Variants in NLRC4 observed in about 807,000 individuals in gnomAD.
The protein encoded by NLRC4 is NLR family CARD domain-containing protein 4.
A neutral mutation model predicts 79.9 loss-of-function variants in NLRC4; 63 were observed. That is an observed-to-expected ratio of 0.79 (90% CI 0.64 to 0.97). NLRC4 has a LOEUF of 0.97. NLRC4 is among the 50% of genes least tolerant of loss of function. NLRC4 has a pLI of 0.00. For synonymous variants in NLRC4, 461 were observed against 456.5 expected, an observed-to-expected ratio of 1.01 and a Z score of -0.12; for missense variants, 1,074 against 1,215.2, an observed-to-expected ratio of 0.88 and a Z score of 1.73.
rs781730855 is a variant in NLRC4, at chr2:32,252,579, A to G, written c.102T>C (p.Asn34=). The G allele has an allele frequency of 1.9e-6, 3 of 1,614,218 alleles. No homozygotes were observed. The highest frequency in any genetic ancestry group is 1.1e-5 in the South Asian group (1 of 91,086). The change falls in exon 3 of 9, where the codon AAT becomes AAC. Residue 34 remains asparagine (N), a synonymous_variant. Transcript: ENST00000402280. The part of the protein sequence containing the change: ...TDDLFVWNVL[N]REEVNIICCE... ...AGCAAATGATGTTTACTTCTTCGCGATTCAGAACATTCCATACAAATAGGT... is the reference window on the plus strand; with the variant it reads ...AGCAAATGATGTTTACTTCTTCGCGGTTCAGAACATTCCATACAAATAGGT...
At chr2:32,248,779 A>AT (rs1204603433) in intron 4 of NLRC4, among the ~76,000 whole-genome samples, 1 of 152,300 alleles carries the variant, frequency 6.6e-6, no homozygotes, top group East Asian at 1.9e-4. Context: ...AAAAAAAAAA[A>AT]ATTTAAAAAG....
intron 2 of NLRC4, among the ~76,000 whole-genome samples, chr2:32,253,574 C>T (rs898628069): frequency 1.3e-5 from 2 of 152,146 alleles, no homozygotes; most frequent in East Asian, 1.9e-4. Flanking sequence ...GTTGTAAGAC[C>T]GTTGGCTTTA....
intron 4 of NLRC4, among the ~76,000 whole-genome samples, chr2:32,242,926 T>A (rs1011336870): frequency 8.6e-5 from 13 of 151,996 alleles, no homozygotes; most frequent in African/African-American, 3.1e-4. Context: ...CAGGTGTGAG[T>A]AGTCCTGGCT....
At position 32,250,265 on chromosome 2, in the gene NLRC4, A is replaced by G. The variant is rs1348090868; in HGVS notation, c.1599T>C (p.Ser533=). 1.9e-6 allele frequency: 3 copies of G among 1,614,076 alleles called. No individual in the cohort carries two copies. In the East Asian group the frequency reaches 6.7e-5, roughly 36 times the overall value. Residue 533 remains serine (S), a synonymous_variant, in exon 4 of 9, where the codon TCT becomes TCC. Coordinates refer to ENST00000402280, the MANE Select transcript of NLRC4 (RefSeq NM_001199138.2). The surrounding 1 kb of genome is among the most constrained non-coding windows in gnomAD (Gnocchi z 4.9). The part of the protein sequence containing the change: ...IAKRPLWRQE[S]LQSVKNTTEQ... Reference sequence around the variant, plus strand: ...CAGTGGTGTTTTTCACACTTTGCAAAGATTCCTGTCTCCAGAGAGGCCTCT... The same window carrying G: ...CAGTGGTGTTTTTCACACTTTGCAAGGATTCCTGTCTCCAGAGAGGCCTCT...
chr2:32,250,129 A>C lies in NLRC4; in HGVS notation c.1735T>G (p.Phe579Val), dbSNP rs1370422015. Residue 579 changes from phenylalanine (F) to valine (V), a missense_variant, in exon 4 of 9, where the codon TTT becomes GTT. Coordinates refer to ENST00000402280, the MANE Select transcript of NLRC4 (RefSeq NM_001199138.2). The surrounding 1 kb of genome is among the most constrained non-coding windows in gnomAD (Gnocchi z 4.9). ...TTGATATATAAGCTTTTACCTTGAAAGAAAGCTTCAAATTCTTGGCTCAGG... is the reference window on the plus strand; with the variant it reads ...TTGATATATAAGCTTTTACCTTGAACGAAAGCTTCAAATTCTTGGCTCAGG... ...SALSQEFEAF[F>V]QGKSLYINSG... is the part of the protein sequence containing the mutation. The C allele has an allele frequency of 1.2e-6, 2 of 1,614,184 alleles. No homozygotes were observed. The highest frequency in any genetic ancestry group is 1.7e-6 in the Non-Finnish European group (2 of 1,180,030).
chr2:32,233,178 AAGGAAGGAAGGAAGGAAGGG>A (rs1686584376), intron 8 of NLRC4, among the ~76,000 whole-genome samples: 4 of 73,670 alleles, frequency 5.4e-5, no homozygotes, highest in African/African-American at 2.3e-4. Flanking sequence ...GGAAGGAAGG[AAGGAAGGAAGGAAGGAAGGG>A]AGGGAGGGAA....
chr2:32,249,485 A>G (rs1349341484), intron 4 of NLRC4, 122 bp downstream of exon 4: 6 of 800,302 alleles, frequency 7.5e-6, no homozygotes, highest in East Asian at 5.1e-5. Flanking sequence ...AGCCTGTGGG[A>G]TGGCCACCTT....
At chr2:32,241,702 T>C (rs1051343116) in intron 4 of NLRC4, among the ~76,000 whole-genome samples, 1 of 151,782 alleles carries the variant, frequency 6.6e-6, no homozygotes, top group Non-Finnish European at 1.5e-5. Flanking sequence ...TTCTAAACAC[T>C]TGGAAATTAA....
At chr2:32,239,939 C>A (rs530764434) in intron 5 of NLRC4, among the ~76,000 whole-genome samples, 10 of 152,194 alleles carry the variant, frequency 6.6e-5, no homozygotes, top group African/African-American at 2.4e-4. Flanking sequence ...ATTATTCTCA[C>A]GTAGGACATA....
intron 8 of NLRC4, among the ~76,000 whole-genome samples, chr2:32,226,140 A>G (rs1054611168): frequency 1.3e-5 from 2 of 152,228 alleles, no homozygotes; most frequent in Non-Finnish European, 1.5e-5. Flanking sequence ...GCTTAATGAC[A>G]GAAATGGACA....
intron 3 of NLRC4, among the ~76,000 whole-genome samples, chr2:32,252,152 T>C (rs1279820388): frequency 6.6e-6 from 1 of 152,178 alleles, no homozygotes; most frequent in Non-Finnish European, 1.5e-5. Flanking sequence ...GCTTAACTAG[T>C]GCACTTATTC....
rs952121500 is a variant in NLRC4, at chr2:32,250,388, C to T, written c.1476G>A (p.Arg492=). The T allele has an allele frequency of 6.2e-7, 1 of 1,614,150 alleles. No individual in the cohort carries two copies. The highest frequency in any genetic ancestry group is 1.7e-5 in the Admixed American group (1 of 60,008). ...DITSTYSSLL[R]YTCGSSVEAT... Reference sequence around the variant, plus strand: ...CTTCCACAGATGACCCACAGGTGTACCGGAGCAGGCTGCTATAAGTGGATG... The same window carrying T: ...CTTCCACAGATGACCCACAGGTGTATCGGAGCAGGCTGCTATAAGTGGATG... The change falls in exon 4 of 9, where the codon CGG becomes CGA. Residue 492 remains arginine, a synonymous_variant. Transcript: ENST00000402280. This position sits in a 1 kb window ranked among gnomAD's most constrained non-coding sequence, Gnocchi z 4.9.
At chr2:32,227,860 A>G (rs1204129168) in intron 8 of NLRC4, among the ~76,000 whole-genome samples, 2 of 152,196 alleles carry the variant, frequency 1.3e-5, no homozygotes, top group South Asian at 4.1e-4. Context: ...ATTTAGAGCC[A>G]TAGGCTGTAT....
chr2:32,258,812 G>A (rs1054570186), intron 1 of NLRC4, among the ~76,000 whole-genome samples: 2 of 152,096 alleles, frequency 1.3e-5, no homozygotes, highest in African/African-American at 4.8e-5. Flanking sequence ...AAAAGCAGGG[G>A]CCCAGAAGCC....
chr2:32,227,742 G>A (rs1573465892), intron 8 of NLRC4, among the ~76,000 whole-genome samples: 1 of 152,156 alleles, frequency 6.6e-6, no homozygotes, highest in Non-Finnish European at 1.5e-5. Flanking sequence ...CAGGAACCAA[G>A]AACAAACAAC....
chr2:32,234,689 G>A (rs1235643933), intron 8 of NLRC4, among the ~76,000 whole-genome samples: 2 of 152,232 alleles, frequency 1.3e-5, no homozygotes, highest in African/African-American at 2.4e-5. Flanking sequence ...ATGAGGAAGT[G>A]AGGCCTCCAG....
intron 4 of NLRC4, among the ~76,000 whole-genome samples, chr2:32,243,144 C>T (rs1055402391): frequency 6.6e-6 from 1 of 152,124 alleles, no homozygotes; most frequent in Admixed American, 6.6e-5. Context: ...GGCGAGGTGG[C>T]TCACACCTGT....
Position 32,236,274 on chromosome 2 carries a change from CT to C in NLRC4, c.2586del (p.Asp863MetfsTer9). ...ILDLSENYLE[K>X]DGNEALHELI... Reference sequence around the variant, plus strand: ...AGTTCATGAAGAGCTTCATTTCCATCTTTTTCCAGGTAATTTTCTGATAAAT... The same window carrying C: ...AGTTCATGAAGAGCTTCATTTCCATCTTTTCCAGGTAATTTTCTGATAAAT... On this transcript the variant is annotated frameshift_variant, in exon 7 of 9. Transcript: ENST00000402280. LOFTEE classifies it high-confidence loss of function. 6.2e-7 allele frequency: 1 copy of C among 1,610,804 alleles called. No homozygotes were observed.
At chr2:32,262,397 A>C (rs537500913) in intron 1 of NLRC4, among the ~76,000 whole-genome samples, 1 of 152,244 alleles carries the variant, frequency 6.6e-6, no homozygotes, top group Non-Finnish European at 1.5e-5. Flanking sequence ...TAAGATGTAT[A>C]AAGTTTTTAA....
Sources: allele counts gnomAD v4.1 joint callset (sites outside exome capture counted in the v4.1 genomes callset), GRCh38; gene constraint gnomAD v4.1.1; non-coding constraint Gnocchi (gnomAD v3.1); transcripts MANE v1.5; gene names NCBI Gene and HGNC (gene_info 2026-07-23, HGNC 2026-07-21).